The following ZNF248 variants were observed in gnomAD, a reference collection of about 807,000 sequenced individuals.
The protein encoded by ZNF248 is zinc finger protein 248.
ZNF248 carries 20 observed loss-of-function variants against 44.3 expected under a neutral mutation model. The observed-to-expected ratio is 0.45, with a 90% CI of 0.32 to 0.66. The LOEUF is 0.66. Among genes scored for constraint, ZNF248 ranks in the 30% least tolerant of loss-of-function variants. The pLI, the probability that ZNF248 is intolerant of heterozygous loss-of-function variation, is 0.04. For missense variants in ZNF248, 654 were observed against 677.0 expected (o/e 0.97, Z 0.38); for synonymous variants, 224 against 229.0 (o/e 0.98, Z 0.20).
chr10:37,824,500 G>A (rs1377410784), downstream of ZNF248, among the ~76,000 whole-genome samples: 1 of 152,038 alleles, frequency 6.6e-6, no homozygotes, highest in East Asian at 1.9e-4. Flanking sequence ...GTTGGGGTAA[G>A]TGGTTCTCTC....
rs556387858 is a variant in ZNF248 at position 37,837,355 on chromosome 10, C to T, written c.238+262G>A. 6.6e-5 allele frequency among the ~76,000 whole-genome samples: 10 copies of T among 152,220 alleles called. No homozygotes were observed. In the South Asian group the frequency reaches 1.9e-3, roughly 28 times the overall value. On this transcript the variant is annotated intron_variant, in intron 5 of 5. Transcript: ENST00000395867. ...GTCTCGATCTCTTGACCTCGTCATC[C>T]GCCTGCCTCAGCCTCCCAAAGTGCT...
At chr10:37,784,321 C>T (rs562463994) in intron 6 of ZNF248, among the ~76,000 whole-genome samples, 12 of 152,280 alleles carry the variant, frequency 7.9e-5, no homozygotes, top group South Asian at 4.2e-4. Context: ...ATATGTCCTG[C>T]GGTCTTTTAC....
In ZNF248 at chr10:37,814,260, C is replaced by T. The variant is rs530911618; in HGVS notation, c.330+18765G>A. 3.9e-5 allele frequency among the ~76,000 whole-genome samples: 6 copies of T among 152,168 alleles called. No individual in the cohort carries two copies. In the East Asian group the frequency reaches 1.2e-3, roughly 29 times the overall value. On this transcript the variant is annotated intron_variant, in intron 6 of 6. Transcript: ENST00000615949. ...ATTTATACTAGCTTAACCTCAATAA[C>T]ATACAAAAAACTCCGCTCCTACACA... is the stretch of plus-strand genomic sequence containing the variant.
intron 6 of ZNF248, among the ~76,000 whole-genome samples, chr10:37,780,087 T>C (rs1235073388): frequency 6.7e-6 from 1 of 150,062 alleles, no homozygotes; most frequent in Non-Finnish European, 1.5e-5. Context: ...ATGGCCATAC[T>C]GCCCAAGGTA....
chr10:37,832,399 T>C lies in ZNF248; in HGVS notation c.956A>G (p.Tyr319Cys). ...NSAFIIHQGA[Y>C]TRKILREYKV... ...ATATTCACGGAGAATCTTTCTTGTG[T>C]AAGCTCCCTGATGGATAATGAAAGC... The change falls in exon 6 of 6, where the codon TAC (tyrosine) becomes TGC (cysteine). Residue 319 changes from tyrosine to cysteine, a missense_variant. Tyr to Cys is a radical substitution (Grantham distance 194, BLOSUM62 -2). Coordinates refer to ENST00000395867, the MANE Select transcript of ZNF248 (RefSeq NM_021045.3). 6.2e-7 allele frequency: 1 copy of C among 1,614,024 alleles called. No individual in the cohort carries two copies. The highest frequency in any genetic ancestry group is 8.5e-7 in the Non-Finnish European group (1 of 1,179,946).
chr10:37,811,244 A>G (rs2133393450), intron 6 of ZNF248, among the ~76,000 whole-genome samples: 1 of 152,360 alleles, frequency 6.6e-6, no homozygotes, highest in African/African-American at 2.4e-5. Context: ...GTAGAAAAAG[A>G]AAATTTATGA....
the ZNF248 span, among the ~76,000 whole-genome samples, chr10:37,760,179 C>A: frequency 6.6e-6 from 1 of 152,104 alleles, no homozygotes. Flanking sequence ...AAACCTTTAA[C>A]AAAAATATAT....
intron 5 of ZNF248, among the ~76,000 whole-genome samples, 176 bp from the exon 6 acceptor site, chr10:37,833,292 A>G (rs919068905): frequency 4.6e-5 from 7 of 152,220 alleles, no homozygotes; most frequent in Non-Finnish European, 8.8e-5. Flanking sequence ...GGTGGAAAAC[A>G]TAAAACATGC....
intron 6 of ZNF248, among the ~76,000 whole-genome samples, chr10:37,807,775 A>T (rs868561760): frequency 6.6e-6 from 1 of 152,138 alleles, no homozygotes; most frequent in African/African-American, 2.4e-5. Flanking sequence ...GAGTCCATTT[A>T]TTCTAACCAT....
intron 3 of ZNF248, among the ~76,000 whole-genome samples, chr10:37,848,236 G>A (rs1445174877): frequency 6.6e-6 from 1 of 151,620 alleles, no homozygotes; most frequent in African/African-American, 2.4e-5. Flanking sequence ...TCACGCCACT[G>A]CACTACATCC....
At chr10:37,823,493 T>C (rs775932262) in intron 6 of ZNF248, among the ~76,000 whole-genome samples, 34 of 152,264 alleles carry the variant, frequency 2.2e-4, no homozygotes, top group South Asian at 4.1e-4. Context: ...AATGTAAATT[T>C]TATGTGAAAT....
intron 3 of ZNF248, among the ~76,000 whole-genome samples, chr10:37,843,587 A>C (rs2058750054): frequency 6.6e-6 from 1 of 152,214 alleles, no homozygotes. Context: ...AAGGAAAACA[A>C]ATTCCTTCCT....
intron 6 of ZNF248, among the ~76,000 whole-genome samples, chr10:37,796,688 C>A (rs888223265): frequency 9.3e-5 from 14 of 150,926 alleles, no homozygotes; most frequent in Admixed American, 2.0e-4. Flanking sequence ...TTTCAGTATT[C>A]TAGGTTACCT....
chr10:37,832,618 T>C lies in ZNF248; in HGVS notation c.737A>G (p.Glu246Gly). Residue 246 changes from glutamate (E) to glycine (G), a missense_variant, in exon 6 of 6, where the codon GAA becomes GGA. By Grantham distance (98) the Glu-to-Gly change is moderately conservative. Transcript: ENST00000395867. ...QIGETVCKYN[E>G]CGRTFIESLK... ...ACTTTCAATGAAGGTTCTTCCACATTCGTTATATTTACAGACTGTCTCTCC... is the reference window on the plus strand; with the variant it reads ...ACTTTCAATGAAGGTTCTTCCACATCCGTTATATTTACAGACTGTCTCTCC... The C allele has an allele frequency of 1.2e-6, 2 of 1,613,416 alleles. No individual in the cohort carries two copies. Among genetic ancestry groups the C allele is most frequent in the South Asian group, 1.1e-5 (1 of 91,076 alleles).
intron 6 of ZNF248, among the ~76,000 whole-genome samples, chr10:37,786,600 T>C (rs1407605863): frequency 6.6e-6 from 1 of 152,238 alleles, no homozygotes; most frequent in South Asian, 2.1e-4. Context: ...TGTTTATACA[T>C]GAATCATTCC....
At chr10:37,814,772 G>T (rs953942331) in intron 6 of ZNF248, among the ~76,000 whole-genome samples, 2 of 152,152 alleles carry the variant, frequency 1.3e-5, no homozygotes, top group African/African-American at 2.4e-5. Context: ...AGAATGGCTT[G>T]TATGTATGTA....
chr10:37,808,957 T>C (rs959170977), intron 6 of ZNF248, among the ~76,000 whole-genome samples: 1 of 152,182 alleles, frequency 6.6e-6, no homozygotes, highest in Non-Finnish European at 1.5e-5. Flanking sequence ...TATTGACTTA[T>C]GTCAATGATA....
chr10:37,791,708 G>C (rs1053772709), intron 6 of ZNF248: 1 of 152,172 alleles, frequency 6.6e-6, no homozygotes, highest in African/African-American at 2.4e-5. Flanking sequence ...CCTTATAAAT[G>C]CAATAAACAT....
chr10:37,813,025 G>GAA (rs75862715), intron 6 of ZNF248, among the ~76,000 whole-genome samples: 3 of 108,634 alleles, frequency 2.8e-5, no homozygotes, highest in African/African-American at 1.1e-4. Flanking sequence ...ATGGCAAAAA[G>GAA]AAAAAAAAAA....
Sources: gnomAD v4.1 joint callset for allele counts (sites outside exome capture counted in the v4.1 genomes callset) on GRCh38, gnomAD v4.1.1 for gene constraint, MANE v1.5 for transcripts, NCBI Gene and HGNC (gene_info 2026-07-23, HGNC 2026-07-21) for gene names.